TOMM20: variants seen among roughly 807,000 people sequenced by gnomAD.
The protein encoded by TOMM20 is translocase of outer mitochondrial membrane 20.
In TOMM20, 10 loss-of-function variants were observed where a neutral mutation model predicts 22.1. The ratio of observed to expected loss-of-function variants is 0.45; its 90% CI spans 0.28 to 0.77. TOMM20 has a LOEUF of 0.77. Ranked by LOEUF, TOMM20 falls within the 30% of genes least tolerant of loss-of-function variation. The pLI, the probability that TOMM20 is intolerant of heterozygous loss-of-function variation, is 0.13. For synonymous variants in TOMM20, 55 were observed against 61.4 expected (o/e 0.90, Z 0.49); for missense variants, 121 against 172.2 (o/e 0.70, Z 1.66).
At position 235,111,986 on chromosome 1, in the gene TOMM20, ATTCC is replaced by A; in HGVS notation, c.*74_*77del. 1 of 1,228,888 alleles carries A rather than the reference ATTCC, an allele frequency of 8.1e-7. No homozygotes were observed. The highest frequency in any genetic ancestry group is 1.3e-5 in the South Asian group (1 of 77,080). 76.1% of individuals were successfully genotyped at this position (1,228,888 alleles called of 1,614,324 possible). On this transcript the variant is annotated 3_prime_UTR_variant, in exon 5 of 5. Coordinates refer to ENST00000366607, the MANE Select transcript of TOMM20 (RefSeq NM_014765.3). The stretch of plus-strand genomic sequence containing the variant: ...GTTCATAACAAGCATATTTGCCCTT[ATTCC>A]CCCAGAGCTGCTCAACTACCAAGAA...
intron 3 of TOMM20, among the ~76,000 whole-genome samples, chr1:235,116,176 G>A (rs1179220983): frequency 6.6e-6 from 1 of 152,176 alleles, no homozygotes; most frequent in Non-Finnish European, 1.5e-5. Flanking sequence ...GGAGGCCGAG[G>A]TGGGTGGATC....
At chr1:235,123,300 C>A (rs923100877) in intron 1 of TOMM20, among the ~76,000 whole-genome samples, 33 of 152,132 alleles carry the variant, frequency 2.2e-4, no homozygotes, top group Admixed American at 7.2e-4. Context: ...GCCTGGCCAA[C>A]ATAGTGAAAC....
chr1:235,125,737 C>A (rs1017243560), intron 1 of TOMM20, among the ~76,000 whole-genome samples: 3 of 148,690 alleles, frequency 2.0e-5, no homozygotes, highest in Admixed American at 6.7e-5. Context: ...AGTCACGCAA[C>A]TGCACTTTTT....
chr1:235,120,189 C>T (rs373609125), intron 2 of TOMM20, among the ~76,000 whole-genome samples: 2 of 152,170 alleles, frequency 1.3e-5, no homozygotes, highest in African/African-American at 4.8e-5. Flanking sequence ...ACAATATTTT[C>T]GGATGCCATT....
intron 1 of TOMM20, among the ~76,000 whole-genome samples, chr1:235,125,740 C>A (rs897085193): frequency 9.5e-5 from 14 of 146,966 alleles, no homozygotes; most frequent in African/African-American, 3.3e-4. Flanking sequence ...CACGCAACTG[C>A]ACTTTTTTTT....
chr1:235,120,861 C>A (rs996955127), intron 2 of TOMM20, among the ~76,000 whole-genome samples: 1 of 107,282 alleles, frequency 9.3e-6, no homozygotes, highest in African/African-American at 4.0e-5. Context: ...CAGGGTGAGA[C>A]CCTGTCTCAA....
chr1:235,124,284 T>G (rs1660977503), intron 1 of TOMM20, among the ~76,000 whole-genome samples: 1 of 152,232 alleles, frequency 6.6e-6, no homozygotes, highest in African/African-American at 2.4e-5. Context: ...GAGTTTGAGG[T>G]TGCAGTAAGC....
chr1:235,113,446 C>T (rs1362161548), intron 4 of TOMM20, among the ~76,000 whole-genome samples: 1 of 152,136 alleles, frequency 6.6e-6, no homozygotes. Flanking sequence ...AAGGCATGGT[C>T]TCCTGGAAGA....
intron 3 of TOMM20, among the ~76,000 whole-genome samples, chr1:235,116,926 G>A (rs894922317): frequency 3.3e-5 from 5 of 151,586 alleles, no homozygotes; most frequent in East Asian, 2.0e-4. Context: ...ACAAGGTCAG[G>A]AGATCGAGAC....
chr1:235,128,471 A>G, intron 1 of TOMM20, 124 bp downstream of exon 1: 1 of 1,485,734 alleles, frequency 6.7e-7, no homozygotes, highest in Non-Finnish European at 9.1e-7. Flanking sequence ...GCCATCGCCT[A>G]TTGAGGGCCG....
intron 3 of TOMM20, among the ~76,000 whole-genome samples, chr1:235,116,175 G>A (rs898993850): frequency 2.0e-5 from 3 of 152,146 alleles, no homozygotes; most frequent in Non-Finnish European, 4.4e-5. Context: ...GGGAGGCCGA[G>A]GTGGGTGGAT....
intron 3 of TOMM20, among the ~76,000 whole-genome samples, chr1:235,115,163 C>T (rs1194287180): frequency 2.0e-5 from 3 of 152,106 alleles, no homozygotes; most frequent in African/African-American, 7.2e-5. Flanking sequence ...AGGCATGAGC[C>T]ACTGCACTCG....
chr1:235,120,461 C>T (rs189833881), intron 2 of TOMM20, among the ~76,000 whole-genome samples: 68 of 152,012 alleles, frequency 4.5e-4, no homozygotes, highest in Non-Finnish European at 4.9e-4. Context: ...GATAGGGTTT[C>T]GCAATGTTGG....
intron 3 of TOMM20, among the ~76,000 whole-genome samples, chr1:235,116,906 C>A (rs28565332): frequency 2.0e-5 from 3 of 151,968 alleles, no homozygotes; most frequent in East Asian, 3.9e-4. Context: ...GAGGCCAAGG[C>A]GGGCGGATCA....
At chr1:235,114,215 C>T (rs1660789043) in intron 3 of TOMM20, among the ~76,000 whole-genome samples, 1 of 152,078 alleles carries the variant, frequency 6.6e-6, no homozygotes, top group Admixed American at 6.5e-5. Context: ...CAATTGCTAA[C>T]AATCGCATAG....
rs1661096721 is a variant in TOMM20 at position 235,128,835 on chromosome 1, A to C, written c.-120T>G. 7 of 1,501,024 alleles carry C rather than the reference A, an allele frequency of 4.7e-6. No homozygotes were observed. The South Asian group carries it at 6.2e-5, about 13-fold the overall frequency. 93.0% of individuals were successfully genotyped at this position (1,501,024 alleles called of 1,614,324 possible). A position where few individuals can be genotyped will look rare whatever the true frequency, so the allele number is the denominator to read the frequency against. On this transcript the variant is annotated 5_prime_UTR_variant, in exon 1 of 5. Transcript: ENST00000366607. ...GACGGCCGCGGGCCAGGAACACAGAAAGGCCGAGCACACGCCACTTCCGGT... is the reference window on the plus strand; with the variant it reads ...GACGGCCGCGGGCCAGGAACACAGACAGGCCGAGCACACGCCACTTCCGGT...
intron 2 of TOMM20, 47 bp downstream of exon 2, chr1:235,122,276 AAAT>A: frequency 2.2e-6 from 3 of 1,393,916 alleles, no homozygotes; most frequent in Non-Finnish European, 2.9e-6. Flanking sequence ...ACAGATTTTA[AAAT>A]AATATTTCTA....
chr1:235,119,984 C>CA, intron 2 of TOMM20, 85 bp from the exon 3 acceptor site: 1 of 803,106 alleles, frequency 1.2e-6, no homozygotes, highest in African/African-American at 1.8e-5. Context: ...AATAAAACAA[C>CA]AAAAAACCAA....
At chr1:235,127,527 G>A (rs1335428606) in intron 1 of TOMM20, among the ~76,000 whole-genome samples, 1 of 152,152 alleles carries the variant, frequency 6.6e-6, no homozygotes, top group Non-Finnish European at 1.5e-5. Flanking sequence ...CAGGGCTACT[G>A]AACACTTGAA....
Sources: allele counts gnomAD v4.1 joint callset (sites outside exome capture counted in the v4.1 genomes callset), GRCh38; gene constraint gnomAD v4.1.1; transcripts MANE v1.5; gene names NCBI Gene and HGNC (gene_info 2026-07-23, HGNC 2026-07-21).